The following GLRA3 variants were observed in gnomAD, a reference collection of about 807,000 sequenced individuals.
GLRA3 encodes the protein glycine receptor subunit alpha-3.
A neutral mutation model predicts 60.4 loss-of-function variants in GLRA3; 44 were observed. That is an observed-to-expected ratio of 0.73 (90% CI 0.57 to 0.94). The LOEUF (loss-of-function observed/expected upper bound fraction) is 0.94. GLRA3 is among the 40% of genes least tolerant of loss of function. The pLI, the probability that GLRA3 is intolerant of heterozygous loss-of-function variation, is 0.00. For missense variants in GLRA3, 508 were observed against 564.6 expected, an observed-to-expected ratio of 0.90 and a Z score of 1.02; for synonymous variants, 223 against 192.9, an observed-to-expected ratio of 1.16 and a Z score of -1.29.
chr4:174,804,720 T>C (rs1016264245), intron 1 of GLRA3, among the ~76,000 whole-genome samples: 1 of 152,194 alleles, frequency 6.6e-6, no homozygotes, highest in African/African-American at 2.4e-5. Context: ...AATAGCTCTC[T>C]GCACAGAACG....
intron 4 of GLRA3, among the ~76,000 whole-genome samples, chr4:174,724,988 A>G (rs1736267640): frequency 6.6e-6 from 1 of 152,238 alleles, no homozygotes; most frequent in African/African-American, 2.4e-5. Flanking sequence ...TCATATGGAC[A>G]TCTTTGGATT....
chr4:174,816,323 C>A (rs1579653185), intron 1 of GLRA3, among the ~76,000 whole-genome samples: 1 of 152,202 alleles, frequency 6.6e-6, no homozygotes, highest in South Asian at 2.1e-4. Flanking sequence ...TTTACCCCAA[C>A]TGGATGAAAC....
chr4:174,731,439 A>T (rs538319301), intron 3 of GLRA3, among the ~76,000 whole-genome samples: 1 of 152,164 alleles, frequency 6.6e-6, no homozygotes, highest in South Asian at 2.1e-4. Context: ...AGTGAAGAAG[A>T]AAAAGGGCCT....
intron 2 of GLRA3, among the ~76,000 whole-genome samples, chr4:174,775,799 G>A (rs1188466488): frequency 1.3e-5 from 2 of 151,998 alleles, no homozygotes; most frequent in Non-Finnish European, 2.9e-5. Flanking sequence ...ACAGAGAATT[G>A]AACGTCATTT....
chr4:174,741,693 G>A (rs1298146172), intron 3 of GLRA3, among the ~76,000 whole-genome samples: 1 of 151,970 alleles, frequency 6.6e-6, no homozygotes, highest in African/African-American at 2.4e-5. Flanking sequence ...CTATGTTTTT[G>A]TTTTCTTCTA....
intron 2 of GLRA3, among the ~76,000 whole-genome samples, chr4:174,782,302 T>A (rs1336341684): frequency 2.0e-5 from 3 of 151,846 alleles, no homozygotes; most frequent in Non-Finnish European, 2.9e-5. Context: ...AAATTAGGTA[T>A]TCATGGGACG....
intron 3 of GLRA3, among the ~76,000 whole-genome samples, chr4:174,732,915 G>C (rs1191184042): frequency 6.6e-6 from 1 of 152,044 alleles, no homozygotes; most frequent in African/African-American, 2.4e-5. Flanking sequence ...GGGAAATGCT[G>C]GGGAATGAGA....
chr4:174,779,314 A>C (rs1738767267), intron 2 of GLRA3, among the ~76,000 whole-genome samples: 1 of 152,184 alleles, frequency 6.6e-6, no homozygotes, highest in Non-Finnish European at 1.5e-5. Context: ...ACCCATCTGT[A>C]CATCACCATC....
chr4:174,737,246 G>A (rs79697803), intron 3 of GLRA3, among the ~76,000 whole-genome samples: 5,244 of 152,180 alleles, frequency 0.034, 284 homozygotes, highest in African/African-American at 0.12. Flanking sequence ...AAGATATCTA[G>A]ATTTTTAGTT....
At chr4:174,826,100 C>T (rs944558706) in intron 1 of GLRA3, among the ~76,000 whole-genome samples, 2 of 151,968 alleles carry the variant, frequency 1.3e-5, no homozygotes, top group Admixed American at 6.6e-5. Context: ...ATCATGATCC[C>T]AAAATGAATA....
chr4:174,742,312 T>A (rs1372014694), intron 3 of GLRA3, among the ~76,000 whole-genome samples: 1 of 152,120 alleles, frequency 6.6e-6, no homozygotes, highest in Non-Finnish European at 1.5e-5. Flanking sequence ...TTAAGAAACA[T>A]AATTTGAAGA....
intron 1 of GLRA3, among the ~76,000 whole-genome samples, chr4:174,827,336 A>G (rs1048506499): frequency 2.0e-5 from 3 of 151,728 alleles, no homozygotes; most frequent in Non-Finnish European, 3.0e-5. Flanking sequence ...TGACCAAAAC[A>G]TTTTAGTTTC....
chr4:174,695,805 G>C (rs938565562), intron 5 of GLRA3, among the ~76,000 whole-genome samples: 2 of 152,092 alleles, frequency 1.3e-5, no homozygotes, highest in African/African-American at 4.8e-5. Flanking sequence ...AACTACCTCT[G>C]TTTGTAGATG....
intron 3 of GLRA3, among the ~76,000 whole-genome samples, chr4:174,763,710 T>C (rs1288455278): frequency 1.3e-5 from 2 of 152,088 alleles, no homozygotes; most frequent in African/African-American, 4.8e-5. Context: ...ATTGAAATAA[T>C]CACGTGCTTC....
intron 5 of GLRA3, among the ~76,000 whole-genome samples, chr4:174,702,007 T>C (rs1286010113): frequency 6.6e-6 from 1 of 152,202 alleles, no homozygotes; most frequent in East Asian, 1.9e-4. Flanking sequence ...ACTTAGTTGA[T>C]AAAGCGGTGG....
chr4:174,769,810 G>GC (rs1554019857), intron 2 of GLRA3, among the ~76,000 whole-genome samples: 1 of 151,996 alleles, frequency 6.6e-6, no homozygotes, highest in Non-Finnish European at 1.5e-5. Context: ...ATCAATGTCT[G>GC]TTTTTTTGCA....
chr4:174,652,076 CTTA>C (rs1010454324), intron 9 of GLRA3, among the ~76,000 whole-genome samples: 1 of 151,670 alleles, frequency 6.6e-6, no homozygotes, highest in South Asian at 2.1e-4. Flanking sequence ...TTTCTATCAG[CTTA>C]TTATTATTAT....
intron 3 of GLRA3, among the ~76,000 whole-genome samples, chr4:174,730,897 C>T (rs1269844994): frequency 6.6e-6 from 1 of 152,102 alleles, no homozygotes; most frequent in Non-Finnish European, 1.5e-5. Flanking sequence ...TTCATGACAG[C>T]ATGGAAAATA....
intron 2 of GLRA3, among the ~76,000 whole-genome samples, chr4:174,783,030 A>G (rs2111285490): frequency 6.6e-6 from 1 of 152,350 alleles, no homozygotes; most frequent in Non-Finnish European, 1.5e-5. Flanking sequence ...AAGCCAAAAG[A>G]ACAAAGCTGG....
Sources: allele counts gnomAD v4.1 joint callset (sites outside exome capture counted in the v4.1 genomes callset), GRCh38; gene constraint gnomAD v4.1.1; transcripts MANE v1.5; gene names NCBI Gene and HGNC (gene_info 2026-07-23, HGNC 2026-07-21).